LRP1B: variants seen among roughly 807,000 people sequenced by gnomAD.
LRP1B encodes low-density lipoprotein receptor-related protein 1B.
Under a neutral mutation model 556.6 loss-of-function variants are expected in LRP1B, and 217 were observed. The observed-to-expected ratio is 0.39, with a 90% CI of 0.35 to 0.44. The LOEUF is 0.44. Among genes scored for constraint, LRP1B ranks in the 20% least tolerant of loss-of-function variants. The probability of loss-of-function intolerance (pLI) is 1.00; values close to 1 mark genes in which losing one functional copy is unlikely to be tolerated. For synonymous variants in LRP1B, 2,047 were observed against 1,865.8 expected, an observed-to-expected ratio of 1.10 and a Z score of -2.50; for missense variants, 5,053 against 5,620.8, an observed-to-expected ratio of 0.90 and a Z score of 3.23.
chr2:142,066,541 A>T (rs902564137), intron 1 of LRP1B, among the ~76,000 whole-genome samples: 1 of 151,498 alleles, frequency 6.6e-6, no homozygotes, highest in Non-Finnish European at 1.5e-5. Flanking sequence ...CATTAGCAAC[A>T]TCTTTAATGT....
chr2:140,713,727 G>A (rs566171951), intron 37 of LRP1B, among the ~76,000 whole-genome samples: 23 of 152,102 alleles, frequency 1.5e-4, no homozygotes, highest in African/African-American at 4.3e-4. Context: ...TGTGTACCTC[G>A]TGTACCTACA....
intron 56 of LRP1B, among the ~76,000 whole-genome samples, chr2:140,493,751 AT>A (rs1284368972): frequency 6.6e-6 from 1 of 152,026 alleles, no homozygotes; most frequent in Non-Finnish European, 1.5e-5. Context: ...TGAAATCATT[AT>A]TTTTCTCCCC....
intron 7 of LRP1B, among the ~76,000 whole-genome samples, chr2:141,074,864 C>A (rs144530936): frequency 1.3e-5 from 2 of 152,010 alleles, no homozygotes; most frequent in African/African-American, 4.8e-5. Flanking sequence ...TTGTTCAGTT[C>A]GTTTTCATTG....
chr2:140,509,841 A>G, intron 52 of LRP1B, 87 bp downstream of exon 52: 1 of 1,523,780 alleles, frequency 6.6e-7, no homozygotes, highest in Non-Finnish European at 8.8e-7. Context: ...GCAATGGGAA[A>G]TGTGCTATGG....
At chr2:141,030,013 T>C (rs1286004122) in intron 11 of LRP1B, among the ~76,000 whole-genome samples, 1 of 152,158 alleles carries the variant, frequency 6.6e-6, no homozygotes, top group African/African-American at 2.4e-5. Flanking sequence ...CCGTGTTCTA[T>C]GAGGTTGGGG....
At chr2:141,804,784 C>A (rs1260648316) in intron 2 of LRP1B, among the ~76,000 whole-genome samples, 1 of 151,980 alleles carries the variant, frequency 6.6e-6, no homozygotes, top group Non-Finnish European at 1.5e-5. Flanking sequence ...TACTGTGAGG[C>A]AGGTACTACC....
intron 2 of LRP1B, among the ~76,000 whole-genome samples, chr2:141,594,222 C>T (rs1687437097): frequency 6.6e-6 from 1 of 152,046 alleles, no homozygotes; most frequent in African/African-American, 2.4e-5. Context: ...CCTTTTGCTT[C>T]ATAAATTCTC....
chr2:141,077,690 G>T (rs1273225749), intron 7 of LRP1B, among the ~76,000 whole-genome samples: 5 of 152,160 alleles, frequency 3.3e-5, no homozygotes, highest in Admixed American at 3.3e-4. Context: ...GTGGATTACC[G>T]CATCAGCTCT....
At chr2:140,779,676 C>T (rs954671804) in intron 32 of LRP1B, among the ~76,000 whole-genome samples, 5 of 124,582 alleles carry the variant, frequency 4.0e-5, no homozygotes, top group Non-Finnish European at 6.3e-5. Flanking sequence ...GCCCGGGTGA[C>T]AGAGCGAGAC....
chr2:140,267,335 T>C (rs967352544), intron 86 of LRP1B, among the ~76,000 whole-genome samples: 3 of 152,014 alleles, frequency 2.0e-5, no homozygotes, highest in Admixed American at 2.0e-4. Flanking sequence ...ATCTTCAGTA[T>C]CTGTGGGGAA....
intron 15 of LRP1B, 30 bp from the exon 16 acceptor site, chr2:140,994,165 A>C (rs2105359365): frequency 6.3e-7 from 1 of 1,598,508 alleles, no homozygotes. Flanking sequence ...AGGTATATGA[A>C]TAATGCTAGC....
At chr2:142,081,757 G>A (rs911997590) in intron 1 of LRP1B, among the ~76,000 whole-genome samples, 6 of 152,212 alleles carry the variant, frequency 3.9e-5, no homozygotes, top group Admixed American at 3.9e-4. Context: ...AGGACTATAG[G>A]TATACACCAC....
intron 43 of LRP1B, among the ~76,000 whole-genome samples, chr2:140,591,509 C>T (rs574513053): frequency 6.6e-6 from 1 of 152,250 alleles, no homozygotes; most frequent in African/African-American, 2.4e-5. Flanking sequence ...AGACAATTAC[C>T]CATCTTATTG....
intron 1 of LRP1B, among the ~76,000 whole-genome samples, chr2:141,813,243 T>C (rs1696417194): frequency 2.0e-5 from 3 of 152,126 alleles, no homozygotes; most frequent in African/African-American, 7.2e-5. Context: ...ACAAAACCGA[T>C]GAACCAATTG....
At chr2:140,357,353 T>A (rs1354556433) in intron 74 of LRP1B, among the ~76,000 whole-genome samples, 1 of 151,182 alleles carries the variant, frequency 6.6e-6, no homozygotes, top group Non-Finnish European at 1.5e-5. Flanking sequence ...CATCCCTAAA[T>A]GAGGAAAGTT....
intron 1 of LRP1B, among the ~76,000 whole-genome samples, chr2:142,024,329 A>G (rs767849800): frequency 1.2e-4 from 18 of 152,158 alleles, no homozygotes; most frequent in Non-Finnish European, 2.6e-4. Flanking sequence ...AGTTTAGGGC[A>G]TTGTTCCTAA....
chr2:141,518,725 G>C (rs1183662080), intron 2 of LRP1B, among the ~76,000 whole-genome samples: 3 of 152,100 alleles, frequency 2.0e-5, no homozygotes, highest in Admixed American at 1.3e-4. Context: ...GAGGTGGGCG[G>C]ATCACCTGAG....
chr2:141,055,802 ATGTGTGTGTGTGTGTG>A (rs10664722), intron 9 of LRP1B, among the ~76,000 whole-genome samples: 2 of 145,442 alleles, frequency 1.4e-5, no homozygotes, highest in South Asian at 2.2e-4. Context: ...TTACCACAAA[ATGTGTGTGTGTGTGTG>A]TGTGTGTGTG....
At chr2:140,800,418 G>T (rs903955167) in intron 32 of LRP1B, among the ~76,000 whole-genome samples, 1 of 152,100 alleles carries the variant, frequency 6.6e-6, no homozygotes, top group Non-Finnish European at 1.5e-5. Context: ...AAAGTTTGCT[G>T]CACTATTTAT....
Sources: allele counts gnomAD v4.1 joint callset (sites outside exome capture counted in the v4.1 genomes callset), GRCh38; gene constraint gnomAD v4.1.1; transcripts MANE v1.5; gene names NCBI Gene and HGNC (gene_info 2026-07-23, HGNC 2026-07-21).